SHTN1: variants seen among roughly 807,000 people sequenced by gnomAD.
SHTN1 encodes the protein shootin 1.
Under a neutral mutation model 83.1 loss-of-function variants are expected in SHTN1, and 42 were observed. The observed-to-expected ratio is 0.51, with a 90% confidence interval of 0.39 to 0.65. The LOEUF (loss-of-function observed/expected upper bound fraction) is 0.65. Ranked by LOEUF, SHTN1 falls within the 30% of genes least tolerant of loss-of-function variation. The pLI is 0.00. For synonymous variants in SHTN1, 224 were observed against 247.7 expected, an observed-to-expected ratio of 0.90 and a Z score of 0.90; for missense variants, 622 against 737.8, an observed-to-expected ratio of 0.84 and a Z score of 1.82.
At chr10:117,040,928 ATATTTTATTT>A (rs552488544) in intron 2 of SHTN1, among the ~76,000 whole-genome samples, 53 of 151,512 alleles carry the variant, frequency 3.5e-4, no homozygotes, top group African/African-American at 1.2e-3. Context: ...TTCTTTTATT[ATATTTTATTT>A]TATTTTATCT....
intron 4 of SHTN1, among the ~76,000 whole-genome samples, chr10:116,955,276 A>C (rs1281698892): frequency 6.6e-6 from 1 of 152,166 alleles, no homozygotes; most frequent in East Asian, 1.9e-4. Context: ...AGGATGTTCC[A>C]ATGTCCACAG....
At chr10:116,950,844 C>G (rs1849751257) in intron 6 of SHTN1, among the ~76,000 whole-genome samples, 1 of 152,182 alleles carries the variant, frequency 6.6e-6, no homozygotes, top group South Asian at 2.1e-4. Flanking sequence ...TTGGCAGACA[C>G]TGCTTTCCAA....
intron 3 of SHTN1, 35 bp from the exon 4 acceptor site, chr10:116,960,265 A>G (rs771385192): frequency 2.5e-6 from 3 of 1,198,874 alleles, no homozygotes; most frequent in Non-Finnish European, 3.7e-6. Context: ...CTCAGCATTC[A>G]AAGATTAGTC....
intron 2 of SHTN1, among the ~76,000 whole-genome samples, chr10:117,039,251 T>C (rs1852547441): frequency 6.6e-6 from 1 of 152,206 alleles, no homozygotes; most frequent in African/African-American, 2.4e-5. Context: ...AAAGACTTAC[T>C]TACTGTAAGT....
intron 16 of SHTN1, among the ~76,000 whole-genome samples, chr10:116,893,232 G>T (rs1295273152): frequency 2.0e-5 from 3 of 151,944 alleles, no homozygotes; most frequent in African/African-American, 7.3e-5. Context: ...TGGCAGCGGG[G>T]GAAGGAAAAA....
At chr10:117,070,978 A>AT (rs923233015) in intron 1 of SHTN1, among the ~76,000 whole-genome samples, 38 of 150,982 alleles carry the variant, frequency 2.5e-4, no homozygotes, top group African/African-American at 8.3e-4. Context: ...AGGCTTAGAG[A>AT]TTTTTTTTTC....
Position 116,995,485 on chromosome 10 carries a change from C to T in SHTN1, c.58+9537G>A, listed in dbSNP as rs552200262. Among the ~76,000 whole-genome samples the T allele has an allele frequency of 2.6e-5, 4 of 152,224 alleles. No homozygotes were observed. The East Asian group carries it at 7.7e-4, about 29-fold the overall frequency. ...TAGGAAAACATTTTCTTCTTTTGCG[C>T]TATCTATGGCTTAAGACAATTTGGT... On this transcript the variant is annotated intron_variant, in intron 1 of 16. Transcript: ENST00000355371.
rs902840538 is a variant in SHTN1, at chr10:116,916,184, C to CA, written c.1196-701dup. Among the ~76,000 whole-genome samples the CA allele has an allele frequency of 5.3e-5, 8 of 151,132 alleles. No individual in the cohort carries two copies. The South Asian group carries it at 6.3e-4, about 12-fold the overall frequency. On this transcript the variant is annotated intron_variant, in intron 12 of 16. Coordinates refer to ENST00000355371, the MANE Select transcript of SHTN1 (RefSeq NM_001127211.3). ...GTTTAACGTTGCCACTATTTTGCTG[C>CA]AAAAAAAATAAATAAATAAAAAAGA...
At chr10:117,033,298 A>AAAAAATG (rs1337249282) in intron 2 of SHTN1, among the ~76,000 whole-genome samples, 1 of 152,148 alleles carries the variant, frequency 6.6e-6, no homozygotes, top group Non-Finnish European at 1.5e-5. Flanking sequence ...CCAGACTAAG[A>AAAAAATG]AAAAATGAGA....
At chr10:117,033,407 TGC>T (rs1245398251) in intron 2 of SHTN1, among the ~76,000 whole-genome samples, 1 of 152,092 alleles carries the variant, frequency 6.6e-6, no homozygotes, top group Non-Finnish European at 1.5e-5. Context: ...AGCAACTACA[TGC>T]CAGTAAATTG....
At chr10:117,073,833 T>C (rs1169104243) in intron 1 of SHTN1, among the ~76,000 whole-genome samples, 1 of 152,146 alleles carries the variant, frequency 6.6e-6, no homozygotes, top group East Asian at 1.9e-4. Flanking sequence ...TGGATGGCTT[T>C]TGCATCTTGT....
intron 2 of SHTN1, among the ~76,000 whole-genome samples, chr10:117,017,215 G>C (rs1303025534): frequency 1.3e-5 from 2 of 152,166 alleles, no homozygotes; most frequent in African/African-American, 4.8e-5. Context: ...AACAAGGCCG[G>C]GCGCGGTGGC....
At chr10:117,068,354 C>A (rs1302672426) in intron 1 of SHTN1, among the ~76,000 whole-genome samples, 1 of 152,112 alleles carries the variant, frequency 6.6e-6, no homozygotes, top group Non-Finnish European at 1.5e-5. Context: ...TGCACCACTG[C>A]ACTCCAGCCT....
intron 16 of SHTN1, chr10:116,901,088 CCTTTT>C (rs1847714741): frequency 2.1e-5 from 21 of 985,362 alleles, no homozygotes; most frequent in Non-Finnish European, 2.5e-5. Context: ...CTCACCTCTT[CCTTTT>C]CTTTAAGTGA....
At chr10:116,949,021 G>T in intron 6 of SHTN1, 24 bp from the exon 7 acceptor site, 1 of 1,503,130 alleles carries the variant, frequency 6.7e-7, no homozygotes, top group South Asian at 1.4e-5. Flanking sequence ...ATTTTGAGGG[G>T]AGAAAACACC....
At chr10:117,004,577 G>C (rs934226716) in intron 1 of SHTN1, among the ~76,000 whole-genome samples, 1 of 152,182 alleles carries the variant, frequency 6.6e-6, no homozygotes, top group Admixed American at 6.5e-5. Flanking sequence ...GAAAAGCTGG[G>C]AAGGGTGTGA....
intron 2 of SHTN1, among the ~76,000 whole-genome samples, chr10:117,046,374 C>T (rs1215830136): frequency 6.6e-6 from 1 of 151,954 alleles, no homozygotes; most frequent in Non-Finnish European, 1.5e-5. Flanking sequence ...AAACAGACAA[C>T]AAGAGTTGAG....
intron 2 of SHTN1, among the ~76,000 whole-genome samples, chr10:117,025,144 A>C (rs1852312709): frequency 6.6e-6 from 1 of 152,208 alleles, no homozygotes; most frequent in Admixed American, 6.5e-5. Flanking sequence ...TTTTAACTTC[A>C]TATCACTAAA....
chr10:117,120,094 A>T (rs1853902057), intron 1 of SHTN1, among the ~76,000 whole-genome samples: 1 of 152,180 alleles, frequency 6.6e-6, no homozygotes, highest in African/African-American at 2.4e-5. Context: ...AAATAGGAAG[A>T]ATGAATAAGA....
Sources: allele counts gnomAD v4.1 joint callset (sites outside exome capture counted in the v4.1 genomes callset), GRCh38; gene constraint gnomAD v4.1.1; transcripts MANE v1.5; gene names NCBI Gene and HGNC (gene_info 2026-07-23, HGNC 2026-07-21).